Variants in EMCN observed in about 807,000 individuals in gnomAD.
EMCN encodes the protein MUC-14.
Under a neutral mutation model 38.4 loss-of-function variants are expected in EMCN, and 37 were observed. The observed-to-expected ratio is 0.96, with a 90% CI of 0.74 to 1.27. The LOEUF (loss-of-function observed/expected upper bound fraction) is 1.27. Ranked by LOEUF, EMCN falls within the 50% of genes most tolerant of loss-of-function variation. EMCN has a pLI of 0.00. For synonymous variants in EMCN, 95 were observed against 100.8 expected (o/e 0.94, Z 0.35); for missense variants, 318 against 302.8 (o/e 1.05, Z -0.37).
At chr4:100,463,365 G>C (rs1291604703) in intron 4 of EMCN, among the ~76,000 whole-genome samples, 2 of 151,980 alleles carry the variant, frequency 1.3e-5, no homozygotes, top group African/African-American at 2.4e-5. Context: ...ACTAAACTTC[G>C]CACCTTCAAT....
chr4:100,491,812 T>A (rs1278378398), intron 1 of EMCN, among the ~76,000 whole-genome samples: 2 of 152,226 alleles, frequency 1.3e-5, no homozygotes, highest in Non-Finnish European at 2.9e-5. Flanking sequence ...GTAGGCCAGC[T>A]ATCTAGAGAA....
chr4:100,473,395 T>TTTTTTTTTTTTTTTTTTTTTTTTC (rs1263222229), intron 3 of EMCN, among the ~76,000 whole-genome samples: 1 of 143,962 alleles, frequency 6.9e-6, no homozygotes, highest in Non-Finnish European at 1.5e-5. Context: ...TGTTTTTTTT[T>TTTTTTTTTTTTTTTTTTTTTTTTC]TTGCTAATGA....
chr4:100,492,510 C>G (rs557334737), intron 1 of EMCN, among the ~76,000 whole-genome samples: 1 of 152,170 alleles, frequency 6.6e-6, no homozygotes, highest in African/African-American at 2.4e-5. Context: ...TGGCTGAAAA[C>G]TTCCCTAATC....
At chr4:100,503,950 G>A (rs773040890) in intron 1 of EMCN, among the ~76,000 whole-genome samples, 30 of 152,088 alleles carry the variant, frequency 2.0e-4, no homozygotes, top group Non-Finnish European at 3.7e-4. Flanking sequence ...CAGATATCTA[G>A]ATATGTTAAA....
intron 7 of EMCN, 46 bp downstream of exon 7, chr4:100,422,975 A>T (rs546000498): frequency 5.1e-6 from 8 of 1,584,022 alleles, no homozygotes; most frequent in Non-Finnish European, 6.1e-6. Context: ...ACATTCAAAC[A>T]TTCTGCATAT....
intron 1 of EMCN, among the ~76,000 whole-genome samples, chr4:100,492,521 T>C (rs1452302241): frequency 6.6e-6 from 1 of 151,996 alleles, no homozygotes; most frequent in African/African-American, 2.4e-5. Context: ...TTCCCTAATC[T>C]GGGGGAAAAT....
chr4:100,508,685 G>T (rs185167767), intron 1 of EMCN, among the ~76,000 whole-genome samples: 2 of 152,252 alleles, frequency 1.3e-5, no homozygotes, highest in East Asian at 1.9e-4. Context: ...CCTAGTGGGG[G>T]TGGGGACTAA....
chr4:100,405,435 A>T (rs1578389520), intron 11 of EMCN, among the ~76,000 whole-genome samples: 1 of 152,132 alleles, frequency 6.6e-6, no homozygotes, highest in Non-Finnish European at 1.5e-5. Context: ...AAGATGTTAA[A>T]TTCTTTCACA....
intron 4 of EMCN, among the ~76,000 whole-genome samples, chr4:100,449,142 A>G (rs1314104089): frequency 6.6e-6 from 1 of 152,132 alleles, no homozygotes; most frequent in Non-Finnish European, 1.5e-5. Context: ...ATGACAGTAG[A>G]AAATAATAAT....
At chr4:100,435,322 A>G (rs984704923) in intron 5 of EMCN, among the ~76,000 whole-genome samples, 6 of 152,182 alleles carry the variant, frequency 3.9e-5, no homozygotes, top group African/African-American at 1.4e-4. Flanking sequence ...TAACAAGGGA[A>G]GCAAAGGACC....
intron 1 of EMCN, among the ~76,000 whole-genome samples, chr4:100,484,852 AC>A (rs1400919169): frequency 6.6e-6 from 1 of 152,166 alleles, no homozygotes; most frequent in African/African-American, 2.4e-5. Context: ...AGATCATAGC[AC>A]CAATTAGTAA....
intron 5 of EMCN, chr4:100,446,255 G>C (rs1350528878): frequency 2.1e-6 from 2 of 959,218 alleles, no homozygotes; most frequent in Non-Finnish European, 2.5e-6. Context: ...AGCCTATGAA[G>C]ATGGAAATAA....
chr4:100,473,375 T>TTA lies in EMCN; in HGVS notation c.259+1662_259+1663insTA, dbSNP rs1728542309. Reference sequence around the variant, plus strand: ...CATTTCCCGTTTCGTGTTTTTTTGTTTTTTTTTTTTGTTTTTTTTTTTGCT... The same window carrying TTA: ...CATTTCCCGTTTCGTGTTTTTTTGTTTATTTTTTTTTTGTTTTTTTTTTTGCT... On this transcript the variant is annotated intron_variant, in intron 3 of 11. Coordinates refer to ENST00000296420, the MANE Select transcript of EMCN (RefSeq NM_016242.4). 1.6e-5 allele frequency among the ~76,000 whole-genome samples: 2 copies of TTA among 123,104 alleles called. 1 individual carries two copies. Among genetic ancestry groups the TTA allele is most frequent in the Non-Finnish European group, 3.2e-5 (2 of 61,658 alleles). 80.8% of individuals were successfully genotyped at this position (123,104 alleles called of 152,430 possible). A position where few individuals can be genotyped will look rare whatever the true frequency, so the allele number is the denominator to read the frequency against.
At chr4:100,452,463 A>T (rs1311202715) in intron 4 of EMCN, among the ~76,000 whole-genome samples, 1 of 152,052 alleles carries the variant, frequency 6.6e-6, no homozygotes, top group African/African-American at 2.4e-5. Flanking sequence ...TACTTGCTTT[A>T]GTAGAGTTCT....
intron 1 of EMCN, among the ~76,000 whole-genome samples, chr4:100,481,787 T>G (rs1232536264): frequency 1.3e-5 from 2 of 152,104 alleles, no homozygotes; most frequent in Non-Finnish European, 2.9e-5. Context: ...ACCTATGGAC[T>G]TCCTAAATAG....
chr4:100,445,993 A>G, intron 5 of EMCN: 1 of 877,498 alleles, frequency 1.1e-6, no homozygotes, highest in Non-Finnish European at 1.4e-6. Flanking sequence ...TTCCACAAAA[A>G]TCAATTAAAC....
intron 3 of EMCN, among the ~76,000 whole-genome samples, chr4:100,472,947 A>C (rs1728516248): frequency 6.7e-6 from 1 of 149,162 alleles, no homozygotes; most frequent in Admixed American, 6.7e-5. Context: ...TATCCCTATC[A>C]TAAAATAAAC....
intron 4 of EMCN, among the ~76,000 whole-genome samples, chr4:100,461,953 A>T (rs1728190803): frequency 6.6e-6 from 1 of 152,136 alleles, no homozygotes; most frequent in Admixed American, 6.5e-5. Context: ...AACAGTGTTT[A>T]TGTGTGATGG....
chr4:100,404,242 G>A lies in EMCN; in HGVS notation c.*40-5869C>T, dbSNP rs149996071. ...AGTTGATTTTTGTATATGATAAAAG[G>A]TAAGGATCCAGTTTTAATCTTCTGC... is the stretch of plus-strand genomic sequence containing the variant. On this transcript the variant is annotated intron_variant, in intron 11 of 11. Transcript: ENST00000296420. 3.7e-3 allele frequency among the ~76,000 whole-genome samples: 556 copies of A among 152,174 alleles called. 7 individuals carry two copies. The highest frequency in any genetic ancestry group is 0.013 in the African/African-American group (523 of 41,538).
Sources: gnomAD v4.1 joint callset for allele counts (sites outside exome capture counted in the v4.1 genomes callset) on GRCh38, gnomAD v4.1.1 for gene constraint, MANE v1.5 for transcripts, NCBI Gene and HGNC (gene_info 2026-07-23, HGNC 2026-07-21) for gene names.